ANKS1B: variants seen among roughly 807,000 people sequenced by gnomAD.
ANKS1B encodes the protein ankyrin repeat and sterile alpha motif domain containing 1B, also known as ankyrin repeat and sterile alpha motif domain-containing protein 1B.
A neutral mutation model predicts 148.3 loss-of-function variants in ANKS1B; 36 were observed. That is an observed-to-expected ratio of 0.24 (90% CI 0.19 to 0.32). ANKS1B has a LOEUF of 0.32. ANKS1B is among the 10% of genes least tolerant of loss of function. The pLI is 1.00. For missense variants in ANKS1B, 1,157 were observed against 1,542.6 expected, an observed-to-expected ratio of 0.75 and a Z score of 4.19; for synonymous variants, 542 against 560.8, an observed-to-expected ratio of 0.97 and a Z score of 0.47.
intron 12 of ANKS1B, among the ~76,000 whole-genome samples, chr12:99,315,381 C>G (rs2154028071): frequency 6.6e-6 from 1 of 151,726 alleles, no homozygotes; most frequent in South Asian, 2.1e-4. Context: ...AAAAAACAAC[C>G]CCATCAAAAA....
At chr12:98,945,612 CCTGAGT>C (rs2099844298) in intron 17 of ANKS1B, among the ~76,000 whole-genome samples, 3 of 150,218 alleles carry the variant, frequency 2.0e-5, no homozygotes, top group Admixed American at 6.6e-5. Flanking sequence ...TTTACAAACT[CCTGAGT>C]CTGAAACATT....
At chr12:99,406,067 A>G (rs189686576) in intron 11 of ANKS1B, among the ~76,000 whole-genome samples, 3 of 145,854 alleles carry the variant, frequency 2.1e-5, no homozygotes. Flanking sequence ...CCAATACAAT[A>G]GTAGCTGAAG....
chr12:99,866,223 T>G (rs1386347724), intron 1 of ANKS1B, among the ~76,000 whole-genome samples: 1 of 152,198 alleles, frequency 6.6e-6, no homozygotes, highest in Admixed American at 6.5e-5. Flanking sequence ...TGATAAGGAA[T>G]TAAAGCCATT....
At chr12:99,926,917 C>T (rs1160437739) in intron 1 of ANKS1B, among the ~76,000 whole-genome samples, 6 of 152,202 alleles carry the variant, frequency 3.9e-5, no homozygotes, top group Admixed American at 1.3e-4. Context: ...CCTACCCCAC[C>T]TCTGTAATTC....
intron 17 of ANKS1B, among the ~76,000 whole-genome samples, chr12:98,986,150 TTTTCTC>T (rs1297392430): frequency 1.3e-5 from 2 of 152,234 alleles, no homozygotes; most frequent in African/African-American, 2.4e-5. Context: ...GTATGAAAGA[TTTTCTC>T]TTTATCTTTG....
At chr12:99,354,683 C>A (rs543775278) in intron 12 of ANKS1B, among the ~76,000 whole-genome samples, 2 of 151,998 alleles carry the variant, frequency 1.3e-5, no homozygotes, top group South Asian at 2.1e-4. Flanking sequence ...GCCAAACACC[C>A]ATAATATTAA....
chr12:99,187,973 G>T (rs1047179588), intron 14 of ANKS1B, among the ~76,000 whole-genome samples: 1 of 151,982 alleles, frequency 6.6e-6, no homozygotes, highest in Non-Finnish European at 1.5e-5. Flanking sequence ...ACACACATAG[G>T]CTCAAAATAA....
chr12:99,361,541 T>C (rs183815577), intron 12 of ANKS1B, among the ~76,000 whole-genome samples: 110 of 152,210 alleles, frequency 7.2e-4, no homozygotes, highest in Non-Finnish European at 1.4e-3. Context: ...TCTAAAGCTA[T>C]TTCTCAGAAT....
chr12:98,795,912 G>C (rs1401946321), intron 22 of ANKS1B, among the ~76,000 whole-genome samples: 1 of 152,200 alleles, frequency 6.6e-6, no homozygotes, highest in Non-Finnish European at 1.5e-5. Context: ...TGTGTGGACT[G>C]AGTGAACTAA....
intron 12 of ANKS1B, among the ~76,000 whole-genome samples, chr12:99,389,291 G>T (rs762137914): frequency 6.6e-6 from 1 of 152,186 alleles, no homozygotes; most frequent in African/African-American, 2.4e-5. Flanking sequence ...AACACATGAG[G>T]CACCCACCCA....
rs1473272628 is a variant in ANKS1B at position 98,745,303 on chromosome 12, C to G, written c.*436G>C. 11 of 983,768 alleles carry G rather than the reference C, an allele frequency of 1.1e-5. No homozygotes were observed. The highest frequency in any genetic ancestry group is 1.3e-5 in the Non-Finnish European group (11 of 830,430). The allele number at this position is 983,768 out of a possible 1,614,324, so 60.9% of individuals were successfully genotyped here. A position where few individuals can be genotyped will look rare whatever the true frequency, so the allele number is the denominator to read the frequency against. The stretch of plus-strand genomic sequence containing the variant: ...TGCTTTGGAGGTGGGAGGGGTAGTG[C>G]TGCTCTGATTTCACCTTTAAAACTG... On this transcript the variant is annotated 3_prime_UTR_variant, in exon 27 of 27. Coordinates refer to ENST00000683438, the MANE Select transcript of ANKS1B (RefSeq NM_001352186.2).
chr12:99,147,264 T>G (rs1226790422), intron 15 of ANKS1B, among the ~76,000 whole-genome samples: 1 of 152,082 alleles, frequency 6.6e-6, no homozygotes, highest in Non-Finnish European at 1.5e-5. Flanking sequence ...CAAGTACGCT[T>G]AGAGCTAAAG....
chr12:99,528,479 C>G (rs1358215008), intron 9 of ANKS1B, among the ~76,000 whole-genome samples: 1 of 149,374 alleles, frequency 6.7e-6, no homozygotes, highest in Non-Finnish European at 1.5e-5. Flanking sequence ...AACAGACAAC[C>G]TACAGAATGG....
At chr12:99,969,614 C>T (rs1479408023) in intron 1 of ANKS1B, among the ~76,000 whole-genome samples, 2 of 152,016 alleles carry the variant, frequency 1.3e-5, no homozygotes, top group Non-Finnish European at 1.5e-5. Flanking sequence ...AAAATACTGC[C>T]AATAATATGA....
At chr12:98,918,685 G>A (rs764034607) in intron 17 of ANKS1B, among the ~76,000 whole-genome samples, 37 of 152,086 alleles carry the variant, frequency 2.4e-4, no homozygotes, top group African/African-American at 8.2e-4. Flanking sequence ...AATTTCCCAC[G>A]CCCTTCAGTA....
chr12:98,960,251 ATCCCACCCACAGTT>A (rs1031142579), intron 17 of ANKS1B, among the ~76,000 whole-genome samples: 34 of 152,306 alleles, frequency 2.2e-4, no homozygotes, highest in African/African-American at 7.7e-4. Context: ...TGCTTGTGTG[ATCCCACCCACAGTT>A]CTAGGCAGCT....
At chr12:99,830,639 C>CA (rs71436967) in intron 1 of ANKS1B, among the ~76,000 whole-genome samples, 111 of 126,698 alleles carry the variant, frequency 8.8e-4, no homozygotes, top group Middle Eastern at 7.9e-3. Flanking sequence ...CTGAAAGAAG[C>CA]AAAAAAAAAA....
intron 12 of ANKS1B, among the ~76,000 whole-genome samples, chr12:99,345,861 T>C (rs1444895250): frequency 6.6e-6 from 1 of 152,010 alleles, no homozygotes; most frequent in Non-Finnish European, 1.5e-5. Context: ...AAATGCTCTT[T>C]GTAAAATTTC....
chr12:99,154,596 G>C, intron 14 of ANKS1B: 1 of 1,482,106 alleles, frequency 6.7e-7, no homozygotes, highest in East Asian at 2.5e-5. Context: ...CAGGCAGGCT[G>C]TGGAGTATGA....
Sources: allele counts gnomAD v4.1 joint callset (sites outside exome capture counted in the v4.1 genomes callset), GRCh38; gene constraint gnomAD v4.1.1; transcripts MANE v1.5; gene names NCBI Gene and HGNC (gene_info 2026-07-23, HGNC 2026-07-21).